CLIP3: variants seen among roughly 807,000 people sequenced by gnomAD.
CLIP3 encodes CAP-Gly domain containing linker protein 3.
CLIP3 carries 15 observed loss-of-function variants against 59.4 expected under a neutral mutation model. The observed-to-expected ratio is 0.25, with a 90% CI of 0.17 to 0.39. The LOEUF is 0.39. Ranked by LOEUF, CLIP3 falls within the 10% of genes least tolerant of loss-of-function variation. CLIP3 has a pLI of 1.00. For synonymous variants in CLIP3, 300 were observed against 321.6 expected, an observed-to-expected ratio of 0.93 and a Z score of 0.72; for missense variants, 495 against 765.7, an observed-to-expected ratio of 0.65 and a Z score of 4.17.
At chr19:36,021,939 C>T (rs1968961980) in intron 7 of CLIP3, among the ~76,000 whole-genome samples, 4 of 151,982 alleles carry the variant, frequency 2.6e-5, no homozygotes, top group Admixed American at 2.0e-4. Flanking sequence ...AGTGCAGTGG[C>T]ATGATCTTGG....
Position 36,016,243 on chromosome 19 carries a change from T to C in CLIP3, c.1590-31A>G, listed in dbSNP as rs1282572629. ...AAGGAGGATGACAGGGTCACGCCCT[T>C]AGGCAGGCAGCGGGGACATCTGCAC... On this transcript the variant is annotated intron_variant, in intron 13 of 13. Transcript: ENST00000360535. The surrounding 1 kb of genome is among the most constrained non-coding windows in gnomAD (Gnocchi z 4.1). 1 of 1,613,712 alleles carries C rather than the reference T, an allele frequency of 6.2e-7. No individual in the cohort carries two copies.
At chr19:36,029,048 A>G (rs1969189512) in intron 2 of CLIP3, among the ~76,000 whole-genome samples, 4 of 111,110 alleles carry the variant, frequency 3.6e-5, no homozygotes, top group African/African-American at 1.4e-4. Flanking sequence ...TTGGCTGGGC[A>G]TGGTGGCTCA....
At chr19:36,021,419 G>A (rs1293981206) in intron 7 of CLIP3, among the ~76,000 whole-genome samples, 1 of 152,116 alleles carries the variant, frequency 6.6e-6, no homozygotes, top group African/African-American at 2.4e-5. Context: ...CAAGTAGCTA[G>A]GACTACAGGT....
At chr19:36,024,805 G>A (rs1184674042) in intron 6 of CLIP3, among the ~76,000 whole-genome samples, 173 bp from the exon 7 acceptor site, 3 of 152,200 alleles carry the variant, frequency 2.0e-5, no homozygotes, top group Non-Finnish European at 4.4e-5. Flanking sequence ...GGTGGCTCAC[G>A]CCTGTAATCC....
At position 36,032,467 on chromosome 19, in the gene CLIP3, G is replaced by A. The variant is rs1245777952; in HGVS notation, c.-58-52C>T. The A allele has an allele frequency of 4.3e-6, 2 of 466,696 alleles. No homozygotes were observed. Among genetic ancestry groups the A allele is most frequent in the Non-Finnish European group, 7.0e-6 (2 of 286,992 alleles). The allele number at this position is 466,696 out of a possible 1,614,324, so 28.9% of individuals were successfully genotyped here. On this transcript the variant is annotated intron_variant, in intron 1 of 13. Transcript: ENST00000360535. This position sits in a 1 kb window ranked among gnomAD's most constrained non-coding sequence, Gnocchi z 4.3. ...GTGCCCGGCAGGCTCCAGGGTCCAA[G>A]CCCCTAGGAGCTTCCAGGGCCCCGG...
At position 36,017,978 on chromosome 19, in the gene CLIP3, G is replaced by A. The variant is rs1326701567; in HGVS notation, c.1197C>T (p.Thr399=). ...GRREHKGKKK[T]PSSPSLGSLQ... ...AGCTGCCCAGAGATGGGGATGATGGGGTCTTCTTCTTGCCTAAGGGTAGAA... is the reference window on the plus strand; with the variant it reads ...AGCTGCCCAGAGATGGGGATGATGGAGTCTTCTTCTTGCCTAAGGGTAGAA... Residue 399 remains threonine, a synonymous_variant, in exon 10 of 14, where the codon ACC becomes ACT. Transcript: ENST00000360535. The A allele has an allele frequency of 6.2e-7, 1 of 1,613,982 alleles. No homozygotes were observed.
chr19:36,027,110 CT>C (rs777814800), intron 3 of CLIP3, 21 bp downstream of exon 3: 2 of 1,592,548 alleles, frequency 1.3e-6, no homozygotes, highest in South Asian at 2.3e-5. Flanking sequence ...CCCTCTCCCC[CT>C]GGTTTCCCCA....
Position 36,016,761 on chromosome 19 carries a change from T to C in CLIP3, c.1589+146A>G. 2 of 799,440 alleles carry C rather than the reference T, an allele frequency of 2.5e-6. No individual in the cohort carries two copies. The highest frequency in any genetic ancestry group is 4.1e-6 in the Non-Finnish European group (2 of 485,136). 49.5% of individuals were successfully genotyped at this position (799,440 alleles called of 1,614,324 possible). A position where few individuals can be genotyped will look rare whatever the true frequency, so the allele number is the denominator to read the frequency against. On this transcript the variant is annotated intron_variant, in intron 13 of 13. Transcript: ENST00000360535. This position sits in a 1 kb window ranked among gnomAD's most constrained non-coding sequence, Gnocchi z 4.1. ...GTGCGGGGCCCTACACCCTAAAGAC[T>C]GTTTCTGGGTATGCTTACAAGTCAC...
chr19:36,025,796 A>T (rs1272836853), intron 6 of CLIP3, among the ~76,000 whole-genome samples: 1 of 152,138 alleles, frequency 6.6e-6, no homozygotes, highest in Admixed American at 6.5e-5. Flanking sequence ...GAGGTCAAAG[A>T]TCATATTGAG....
Position 36,027,138 on chromosome 19 carries a change from G to A in CLIP3, c.300C>T (p.Gly100=). 2.5e-6 allele frequency: 4 copies of A among 1,607,622 alleles called. No homozygotes were observed. Among genetic ancestry groups the A allele is most frequent in the Non-Finnish European group, 3.4e-6 (4 of 1,177,380 alleles). Residue 100 remains glycine, a synonymous_variant, in exon 3 of 14, where the codon GGC becomes GGT. Coordinates refer to ENST00000360535, the MANE Select transcript of CLIP3 (RefSeq NM_015526.3). The part of the protein sequence containing the change: ...PQVQHKIDVI[G]NEILRRGCHV... ...GTTTCCCCAGTGTTCTCACCTCATTGCCGATGACGTCTATCTTGTGCTGGA... is the reference window on the plus strand; with the variant it reads ...GTTTCCCCAGTGTTCTCACCTCATTACCGATGACGTCTATCTTGTGCTGGA...
chr19:36,021,432 G>A (rs1002900164), intron 7 of CLIP3, among the ~76,000 whole-genome samples: 2 of 152,034 alleles, frequency 1.3e-5, no homozygotes, highest in African/African-American at 4.8e-5. Flanking sequence ...CTACAGGTGT[G>A]CGCCACCATG....
rs1480361229 is a variant in CLIP3 at position 36,026,768 on chromosome 19, G to A, written c.401-21C>T. 4.4e-6 allele frequency: 7 copies of A among 1,586,672 alleles called. No individual in the cohort carries two copies. The highest frequency in any genetic ancestry group is 6.0e-6 in the Non-Finnish European group (7 of 1,172,164). ...GTCCCCTGCGCGATAGGCCGGGTCAGCTTGGAACCCCCATTCCAGAGCATG... is the reference window on the plus strand; with the variant it reads ...GTCCCCTGCGCGATAGGCCGGGTCAACTTGGAACCCCCATTCCAGAGCATG... On this transcript the variant is annotated intron_variant, in intron 4 of 13. Transcript: ENST00000360535. This position sits in a 1 kb window ranked among gnomAD's most constrained non-coding sequence, Gnocchi z 6.3.
Position 36,017,911 on chromosome 19 carries a change from C to T in CLIP3, c.1264G>A (p.Val422Ile), listed in dbSNP as rs1452732574. 2 of 1,613,986 alleles carry T rather than the reference C, an allele frequency of 1.2e-6. No individual in the cohort carries two copies. Among genetic ancestry groups the T allele is most frequent in the Non-Finnish European group, 1.7e-6 (2 of 1,180,022 alleles). Residue 422 changes from valine (V) to isoleucine (I), a missense_variant, in exon 10 of 14, where the codon GTC becomes ATC. Transcript: ENST00000360535. ...CCCTGCTTCTGGCCCGCGACAAGGA[C>T]CTGGTCTCCAACCTCAGCCTTGGCC... is the stretch of plus-strand genomic sequence containing the variant. The part of the protein sequence containing the change: ...DGAKAEVGDQ[V>I]LVAGQKQGIV...
intron 2 of CLIP3, among the ~76,000 whole-genome samples, chr19:36,028,715 C>A (rs185301956): frequency 1.3e-5 from 2 of 152,186 alleles, no homozygotes; most frequent in African/African-American, 4.8e-5. Flanking sequence ...GTCTTCCCCA[C>A]GGCCCTCAGG....
rs1969226844 is a variant in CLIP3 at position 36,030,502 on chromosome 19, G to A, written c.166+1690C>T. Among the ~76,000 whole-genome samples the A allele has an allele frequency of 3.3e-5, 5 of 152,222 alleles. 1 individual carries two copies. The South Asian group carries it at 1.0e-3, about 32-fold the overall frequency. ...TGGTTTCTGAACCTCACAGCTGCCG[G>A]GGATTCCCAGCCTGCATATCTTCCA... On this transcript the variant is annotated intron_variant, in intron 2 of 13. Transcript: ENST00000360535.
In CLIP3 at chr19:36,026,397, C is replaced by T. The variant is rs1358439571; in HGVS notation, c.563-132G>A. The T allele has an allele frequency of 1.1e-5, 11 of 992,784 alleles. No homozygotes were observed. In the South Asian group the frequency reaches 1.6e-4, roughly 14 times the overall value. 61.5% of individuals were successfully genotyped at this position (992,784 alleles called of 1,614,324 possible). ...GCAGAGCCCCGCCCCCACCTCGGAG[C>T]CCCCCTCTCCCTTGGCAGCCCCGAC... On this transcript the variant is annotated intron_variant, in intron 5 of 13. Transcript: ENST00000360535. The surrounding 1 kb of genome is among the most constrained non-coding windows in gnomAD (Gnocchi z 6.3).
intron 2 of CLIP3, among the ~76,000 whole-genome samples, chr19:36,030,979 T>C (rs1306339555): frequency 2.0e-5 from 3 of 151,418 alleles, no homozygotes; most frequent in Admixed American, 1.3e-4. Context: ...CCACCTTTAA[T>C]TTCTTTTTCT....
At chr19:36,030,988 CTTTTTTCT>C (rs1192933476) in intron 2 of CLIP3, among the ~76,000 whole-genome samples, 10 of 119,730 alleles carry the variant, frequency 8.4e-5, no homozygotes, top group South Asian at 8.1e-4. Flanking sequence ...ATTTCTTTTT[CTTTTTTCT>C]TTTTTTCTTT....
chr19:36,016,848 C>T lies in CLIP3; in HGVS notation c.1589+59G>A. 1.9e-6 allele frequency: 3 copies of T among 1,569,614 alleles called. No homozygotes were observed. The highest frequency in any genetic ancestry group is 1.8e-5 in the Admixed American group (1 of 56,826). ...GCTCCAGACCTCTGGGTCCAACTGC[C>T]TTATGGATCCCTCTCCCTGAATGTC... On this transcript the variant is annotated intron_variant, in intron 13 of 13. Transcript: ENST00000360535. This position sits in a 1 kb window ranked among gnomAD's most constrained non-coding sequence, Gnocchi z 4.1.
Sources: gnomAD v4.1 joint callset for allele counts (sites outside exome capture counted in the v4.1 genomes callset) on GRCh38, gnomAD v4.1.1 for gene constraint, Gnocchi (gnomAD v3.1) non-coding constraint, MANE v1.5 for transcripts, NCBI Gene and HGNC (gene_info 2026-07-23, HGNC 2026-07-21) for gene names.